LGSN: variants seen among roughly 807,000 people sequenced by gnomAD.
LGSN encodes lengsin, lens protein with glutamine synthetase domain, also known as lengsin.
LGSN carries 21 observed loss-of-function variants against 19.5 expected under a neutral mutation model. That is an observed-to-expected ratio of 1.07 (90% CI 0.76 to 1.55). The LOEUF (loss-of-function observed/expected upper bound fraction) is 1.55, where lower values mean the gene tolerates loss of function less well. Ranked by LOEUF, LGSN falls within the 40% of genes most tolerant of loss-of-function variation. LGSN has a pLI of 0.00. For synonymous variants in LGSN, 257 were observed against 215.6 expected (o/e 1.19, Z -1.68); for missense variants, 673 against 608.5 (o/e 1.11, Z -1.12).
At chr6:63,416,120 T>C in the LGSN span, among the ~76,000 whole-genome samples, 1 of 144,334 alleles carries the variant, frequency 6.9e-6, no homozygotes, top group Non-Finnish European at 1.5e-5. Context: ...ATGCTTTTTT[T>C]TTTGCTTTTT....
the LGSN span, among the ~76,000 whole-genome samples, chr6:63,422,137 C>T: frequency 6.6e-6 from 1 of 152,138 alleles, no homozygotes; most frequent in Non-Finnish European, 1.5e-5. Flanking sequence ...GATCTCAGCT[C>T]ACTGCAACCT....
chr6:63,487,904 G>A, the LGSN span, among the ~76,000 whole-genome samples: 4 of 151,424 alleles, frequency 2.6e-5, no homozygotes, highest in African/African-American at 9.7e-5. Context: ...TGCTTGAACC[G>A]AAGAGATGGA....
chr6:63,367,622 C>T, the LGSN span, among the ~76,000 whole-genome samples: 2,714 of 129,148 alleles, frequency 0.021, 84 homozygotes, highest in African/African-American at 0.076. Context: ...AATCATGCTG[C>T]TATAAAGACA....
the LGSN span, among the ~76,000 whole-genome samples, chr6:63,537,604 C>A: frequency 6.6e-6 from 1 of 152,190 alleles, no homozygotes; most frequent in Non-Finnish European, 1.5e-5. Flanking sequence ...TTGAATTCTG[C>A]ATTTGTTTGT....
the LGSN span, among the ~76,000 whole-genome samples, chr6:63,433,718 G>A: frequency 6.6e-6 from 1 of 152,202 alleles, no homozygotes; most frequent in African/African-American, 2.4e-5. Context: ...AATTCTACCA[G>A]TTCTGCTTAG....
chr6:63,296,206 G>A (rs367981468), intron 1 of LGSN, among the ~76,000 whole-genome samples: 8 of 152,094 alleles, frequency 5.3e-5, no homozygotes, highest in East Asian at 3.9e-4. Flanking sequence ...CTAGAACAAA[G>A]GCTTTTCTGT....
the LGSN span, among the ~76,000 whole-genome samples, chr6:63,526,145 T>C: frequency 2.0e-5 from 3 of 151,854 alleles, no homozygotes; most frequent in African/African-American, 7.3e-5. Flanking sequence ...GCCAACATGG[T>C]GAAATCCCGT....
At chr6:63,514,942 G>A in the LGSN span, among the ~76,000 whole-genome samples, 329 of 151,904 alleles carry the variant, frequency 2.2e-3, no homozygotes, top group Non-Finnish European at 5.9e-4. Flanking sequence ...GGATGAAAGG[G>A]TACCTCCTAC....
chr6:63,424,787 C>T, the LGSN span, among the ~76,000 whole-genome samples: 4 of 152,114 alleles, frequency 2.6e-5, no homozygotes, highest in African/African-American at 9.6e-5. Flanking sequence ...TGCTGCGTGC[C>T]TGTAGTCCTA....
the LGSN span, among the ~76,000 whole-genome samples, chr6:63,437,116 AGGGAGAAG>A: frequency 7.2e-5 from 3 of 41,492 alleles, no homozygotes; most frequent in Non-Finnish European, 6.9e-5. Context: ...AGGAAAAGAA[AGGGAGAAG>A]GAAAAGAAAG....
chr6:63,554,259 C>T, the LGSN span, among the ~76,000 whole-genome samples: 1 of 152,156 alleles, frequency 6.6e-6, no homozygotes, highest in Non-Finnish European at 1.5e-5. Context: ...TCTTGTCAAG[C>T]TTCTTGTCTC....
the LGSN span, among the ~76,000 whole-genome samples, chr6:63,362,441 C>T: frequency 2.0e-5 from 3 of 152,208 alleles, no homozygotes; most frequent in Non-Finnish European, 4.4e-5. Context: ...AATTCCCTTT[C>T]GTAGCCAAGG....
chr6:63,570,874 AG>A, the LGSN span: 1 of 152,202 alleles, frequency 6.6e-6, no homozygotes, highest in Non-Finnish European at 1.5e-5. Flanking sequence ...GCCATATAAA[AG>A]TTTTTAGTTC....
the LGSN span, among the ~76,000 whole-genome samples, chr6:63,369,642 G>C: frequency 4.6e-4 from 70 of 152,206 alleles, no homozygotes; most frequent in Non-Finnish European, 8.8e-4. Flanking sequence ...AAGTGACTGA[G>C]AGAACTGTTA....
the LGSN span, among the ~76,000 whole-genome samples, chr6:63,547,550 G>A: frequency 6.6e-5 from 9 of 136,358 alleles, no homozygotes; most frequent in Admixed American, 1.6e-4. Flanking sequence ...CTGTCGCCCA[G>A]GCTGGAGTGC....
At chr6:63,292,081 G>C (rs1318140638) in intron 2 of LGSN, among the ~76,000 whole-genome samples, 1 of 152,122 alleles carries the variant, frequency 6.6e-6, no homozygotes, top group African/African-American at 2.4e-5. Flanking sequence ...CTGACAACCA[G>C]CCAGGACACA....
chr6:63,397,020 C>A, the LGSN span: 1 of 152,354 alleles, frequency 6.6e-6, no homozygotes, highest in Non-Finnish European at 1.5e-5. Context: ...AGCTGGGAGC[C>A]CCTCCCACAC....
At position 63,280,194 on chromosome 6, in the gene LGSN, A is replaced by C. The variant is rs775938084; in HGVS notation, c.1357T>G (p.Ser453Ala). The change falls in exon 4 of 4, where the codon TCT (serine) becomes GCT (alanine). Residue 453 changes from serine (S) to alanine (A), a missense_variant. Coordinates refer to ENST00000370657, the MANE Select transcript of LGSN (RefSeq NM_016571.3). Reference sequence around the variant, plus strand: ...TCTTCTAGTTTTAAAGGGATCTCAGAAGGTTCCACTTGGTAAAAGTCTGTG... The same window carrying C: ...TCTTCTAGTTTTAAAGGGATCTCAGCAGGTTCCACTTGGTAAAAGTCTGTG... ...ESTDFYQVEP[S>A]EIPLKLEDAL... The C allele has an allele frequency of 1.1e-5, 17 of 1,614,208 alleles. No homozygotes were observed. In the African/African-American group the frequency reaches 2.3e-4, roughly 22 times the overall value.
At position 63,280,708 on chromosome 6, in the gene LGSN, A is replaced by T. The variant is rs775088412; in HGVS notation, c.843T>A (p.Asn281Lys). ...LPEFGISSAD[N>K]AFTLRTGVKE... ...TGACACCTGTTCTGAGGGTAAATGC[A>T]TTATCAGCTGAGCTAATGCCAAATT... Residue 281 changes from asparagine (N) to lysine (K), a missense_variant, in exon 4 of 4, where the codon AAT becomes AAA. Coordinates refer to ENST00000370657, the MANE Select transcript of LGSN (RefSeq NM_016571.3). 14 of 1,614,148 alleles carry T rather than the reference A, an allele frequency of 8.7e-6. No individual in the cohort carries two copies. Among genetic ancestry groups the T allele is most frequent in the Non-Finnish European group, 1.2e-5 (14 of 1,180,018 alleles).
Sources: gnomAD v4.1 joint callset for allele counts (sites outside exome capture counted in the v4.1 genomes callset) on GRCh38, gnomAD v4.1.1 for gene constraint, MANE v1.5 for transcripts, NCBI Gene and HGNC (gene_info 2026-07-23, HGNC 2026-07-21) for gene names.